Variants in CDH10 observed in about 807,000 individuals in gnomAD.
The protein encoded by CDH10 is cadherin 10, also known as cadherin-10.
CDH10 carries 30 observed loss-of-function variants against 73.1 expected under a neutral mutation model. That is an observed-to-expected ratio of 0.41 (90% CI 0.31 to 0.56). The LOEUF (loss-of-function observed/expected upper bound fraction) is 0.56. CDH10 is among the 20% of genes least tolerant of loss of function. The pLI, the probability that CDH10 is intolerant of heterozygous loss-of-function variation, is 0.27. For missense variants in CDH10, 815 were observed against 973.7 expected (o/e 0.84, Z 2.17); for synonymous variants, 345 against 348.2 (o/e 0.99, Z 0.10).
At chr5:24,568,778 A>C (rs951865993) in intron 2 of CDH10, among the ~76,000 whole-genome samples, 3 of 152,108 alleles carry the variant, frequency 2.0e-5, no homozygotes, top group Admixed American at 2.0e-4. Context: ...GATAAAGAAA[A>C]TATGGTATAT....
At chr5:24,618,172 T>G (rs961296842) in intron 1 of CDH10, among the ~76,000 whole-genome samples, 1 of 152,164 alleles carries the variant, frequency 6.6e-6, no homozygotes, top group Admixed American at 6.5e-5. Context: ...TGGACCATTA[T>G]TATTAGCATA....
rs143196281 is a variant in CDH10 at position 24,554,119 on chromosome 5, G to GAGAGAGAGAGAGAGA, written c.232-16446_232-16445insTCTCTCTCTCTCTCT. 2.9e-3 allele frequency: 115 copies of GAGAGAGAGAGAGAGA among 39,788 alleles called. 26 individuals carry two copies. The highest frequency in any genetic ancestry group is 7.4e-3 in the African/African-American group (91 of 12,252). 2.5% of individuals were successfully genotyped at this position (39,788 alleles called of 1,614,324 possible). On this transcript the variant is annotated intron_variant, in intron 2 of 11. Coordinates refer to ENST00000264463, the MANE Select transcript of CDH10 (RefSeq NM_006727.5). The stretch of plus-strand genomic sequence containing the variant: ...AGAGAAGGGGAGGTGGGCGGGGGGG[G>GAGAGAGAGAGAGAGA]GAGAGAGAGAGACATTCAATCAGCC...
chr5:24,620,051 G>T (rs1747258886), intron 1 of CDH10, among the ~76,000 whole-genome samples: 1 of 152,158 alleles, frequency 6.6e-6, no homozygotes, highest in Admixed American at 6.6e-5. Flanking sequence ...TAAAATAAAT[G>T]ATATATATTT....
At chr5:24,607,843 A>G (rs9293142) in intron 1 of CDH10, among the ~76,000 whole-genome samples, 26,825 of 152,110 alleles carry the variant, frequency 0.18, 2,789 homozygotes, top group African/African-American at 0.3. Context: ...TTTATCTCCT[A>G]GCCTAATATA....
intron 10 of CDH10, among the ~76,000 whole-genome samples, chr5:24,492,168 A>C (rs1020264910): frequency 2.0e-5 from 3 of 152,224 alleles, no homozygotes; most frequent in Non-Finnish European, 4.4e-5. Flanking sequence ...CAAGAGAAAA[A>C]CCATACTAAA....
chr5:24,563,945 T>C (rs1390652290), intron 2 of CDH10, among the ~76,000 whole-genome samples: 3 of 152,172 alleles, frequency 2.0e-5, no homozygotes, highest in East Asian at 3.9e-4. Context: ...GTTCAAATCA[T>C]ATTAATCTGC....
chr5:24,591,111 CAT>C (rs879821573), intron 2 of CDH10, among the ~76,000 whole-genome samples: 32 of 151,908 alleles, frequency 2.1e-4, no homozygotes, highest in Non-Finnish European at 3.5e-4. Context: ...ATTAAAATAT[CAT>C]ATGTTAAACA....
At chr5:24,556,115 T>C (rs919848386) in intron 2 of CDH10, among the ~76,000 whole-genome samples, 1 of 152,130 alleles carries the variant, frequency 6.6e-6, no homozygotes, top group Non-Finnish European at 1.5e-5. Context: ...AGGTAAAAAT[T>C]AAACCCACTT....
intron 1 of CDH10, among the ~76,000 whole-genome samples, chr5:24,594,562 C>A (rs1466420206): frequency 4.6e-5 from 7 of 151,838 alleles, no homozygotes; most frequent in Non-Finnish European, 1.0e-4. Context: ...CTTTAACCCT[C>A]CACCACATCC....
chr5:24,615,682 A>C (rs1200028701), intron 1 of CDH10, among the ~76,000 whole-genome samples: 1 of 152,238 alleles, frequency 6.6e-6, no homozygotes, highest in East Asian at 1.9e-4. Flanking sequence ...AAATAATACC[A>C]ACAGAGCTCT....
chr5:24,498,291 T>TCCCA (rs1218218731), intron 9 of CDH10, 107 bp downstream of exon 9: 1 of 650,314 alleles, frequency 1.5e-6, no homozygotes, highest in African/African-American at 1.8e-5. Context: ...TGGGACTCTA[T>TCCCA]ATGAGTATTT....
chr5:24,642,308 G>C (rs528782982), intron 1 of CDH10, among the ~76,000 whole-genome samples: 1 of 152,126 alleles, frequency 6.6e-6, no homozygotes, highest in East Asian at 1.9e-4. Context: ...TAGGAAATCA[G>C]TCATAAGCAC....
rs748191207 is a variant in CDH10, at chr5:24,537,648, A to G, written c.258T>C (p.Asp86=). ...GKLHSDQDKG[D]GSLKYILSGD... ...CAGATAAGATATATTTGAGTGATCCATCTCCTTTATCTTGGTCTGAATGTA... is the reference window on the plus strand; with the variant it reads ...CAGATAAGATATATTTGAGTGATCCGTCTCCTTTATCTTGGTCTGAATGTA... Residue 86 remains aspartate, a synonymous_variant, in exon 3 of 12, where the codon GAT becomes GAC. Coordinates refer to ENST00000264463, the MANE Select transcript of CDH10 (RefSeq NM_006727.5). 5 of 1,598,464 alleles carry G rather than the reference A, an allele frequency of 3.1e-6. No individual in the cohort carries two copies. The highest frequency in any genetic ancestry group is 4.3e-6 in the Non-Finnish European group (5 of 1,167,512).
intron 2 of CDH10, among the ~76,000 whole-genome samples, chr5:24,537,914 C>G (rs572336125): frequency 1.2e-4 from 18 of 151,948 alleles, no homozygotes; most frequent in African/African-American, 4.1e-4. Flanking sequence ...AAAATTAAAC[C>G]AAGCTCCTGT....
At chr5:24,521,223 A>G (rs1202758758) in intron 5 of CDH10, among the ~76,000 whole-genome samples, 1 of 152,166 alleles carries the variant, frequency 6.6e-6, no homozygotes, top group Non-Finnish European at 1.5e-5. Flanking sequence ...AACAATCCAC[A>G]TACAAGCTCA....
rs1037518762 is a variant in CDH10 at position 24,627,512 on chromosome 5, G to A, written c.-124+17082C>T. ...TATTTAAACATGCAATAGCGGTTAC[G>A]AATGGAGGAGCAGGGACCATATTAT... On this transcript the variant is annotated intron_variant, in intron 1 of 11. Transcript: ENST00000264463. Among the ~76,000 whole-genome samples, 4 of 152,096 alleles carry A rather than the reference G, an allele frequency of 2.6e-5. No individual in the cohort carries two copies. The South Asian group carries it at 6.2e-4, about 24-fold the overall frequency.
At chr5:24,604,885 A>AC (rs1746699524) in intron 1 of CDH10, among the ~76,000 whole-genome samples, 13 of 150,152 alleles carry the variant, frequency 8.7e-5, no homozygotes, top group East Asian at 3.9e-4. Flanking sequence ...AAAAAAAAAA[A>AC]AAAAAAAAAA....
chr5:24,627,539 A>G (rs926339088), intron 1 of CDH10, among the ~76,000 whole-genome samples: 10 of 152,260 alleles, frequency 6.6e-5, no homozygotes, highest in Admixed American at 6.5e-4. Context: ...CCATATTATA[A>G]GAGTTTCATT....
intron 5 of CDH10, among the ~76,000 whole-genome samples, chr5:24,517,275 C>T (rs963797033): frequency 6.6e-6 from 1 of 152,168 alleles, no homozygotes; most frequent in Non-Finnish European, 1.5e-5. Context: ...AAAAGGTCTA[C>T]AATTTCATTT....
Sources: gnomAD v4.1 joint callset for allele counts (sites outside exome capture counted in the v4.1 genomes callset) on GRCh38, gnomAD v4.1.1 for gene constraint, MANE v1.5 for transcripts, NCBI Gene and HGNC (gene_info 2026-07-23, HGNC 2026-07-21) for gene names.